Variants in DLGAP2 observed in about 807,000 individuals in gnomAD.
DLGAP2 encodes DLG associated protein 2.
In DLGAP2, 26 loss-of-function variants were observed where a neutral mutation model predicts 100.3. The observed-to-expected ratio is 0.26, with a 90% CI of 0.19 to 0.36. DLGAP2 has a LOEUF of 0.36. Ranked by LOEUF, DLGAP2 falls within the 10% of genes least tolerant of loss-of-function variation. The probability of loss-of-function intolerance (pLI) is 1.00; values close to 1 mark genes in which losing one functional copy is unlikely to be tolerated. For missense variants in DLGAP2, 1,858 were observed against 1,453.2 expected, an observed-to-expected ratio of 1.28 and a Z score of -4.53; for synonymous variants, 886 against 630.1, an observed-to-expected ratio of 1.41 and a Z score of -6.08.
intron 2 of DLGAP2, among the ~76,000 whole-genome samples, chr8:1,074,926 C>T (rs1259382499): frequency 6.6e-6 from 1 of 152,180 alleles, no homozygotes; most frequent in Admixed American, 6.5e-5. Context: ...GGTCACCTTG[C>T]AGTTGGCAGG....
At chr8:745,248 G>A (rs998498646) in intron 1 of DLGAP2, among the ~76,000 whole-genome samples, 2 of 152,186 alleles carry the variant, frequency 1.3e-5, no homozygotes, top group African/African-American at 2.4e-5. Flanking sequence ...GCAAATTTCC[G>A]AACATCTGTT....
chr8:1,350,353 T>TGC (rs1801686417), intron 3 of DLGAP2, among the ~76,000 whole-genome samples: 6 of 34,862 alleles, frequency 1.7e-4, no homozygotes, highest in Admixed American at 3.7e-4. Flanking sequence ...CCTGACAGTG[T>TGC]GTGGAAAGGC....
chr8:1,472,855 T>A (rs1466857499), intron 3 of DLGAP2, among the ~76,000 whole-genome samples: 2 of 152,224 alleles, frequency 1.3e-5, no homozygotes, highest in Non-Finnish European at 2.9e-5. Flanking sequence ...GTTAAGCATA[T>A]ACTTTTCACA....
chr8:1,648,347 C>A (rs755686918), intron 8 of DLGAP2, among the ~76,000 whole-genome samples: 19 of 152,202 alleles, frequency 1.2e-4, no homozygotes, highest in Non-Finnish European at 2.5e-4. Flanking sequence ...TCTATGTGGA[C>A]ATGATTCAAT....
At chr8:1,045,184 G>A (rs1431448556) in intron 2 of DLGAP2, among the ~76,000 whole-genome samples, 1 of 152,152 alleles carries the variant, frequency 6.6e-6, no homozygotes, top group Non-Finnish European at 1.5e-5. Context: ...AGGGCTGTTT[G>A]GCTTTTGGCA....
rs561292100 is a variant in DLGAP2 at position 1,320,363 on chromosome 8, C to T, written c.106+61480C>T. On this transcript the variant is annotated intron_variant, in intron 3 of 14. Transcript: ENST00000637795. ...AGGACTCGAGGGAACCGTAGCGTCG[C>T]ATCCTACAGATGACACTGAACCCTG... 1.1e-4 allele frequency among the ~76,000 whole-genome samples: 17 copies of T among 152,230 alleles called. No individual in the cohort carries two copies. In the South Asian group the frequency reaches 3.3e-3, roughly 30 times the overall value.
At chr8:1,663,019 CCT>C (rs1798450495) in intron 8 of DLGAP2, among the ~76,000 whole-genome samples, 2 of 116,648 alleles carry the variant, frequency 1.7e-5, no homozygotes, top group African/African-American at 6.7e-5. Flanking sequence ...TGTGTGTATA[CCT>C]GTGTGAGTGT....
At chr8:845,923 C>G (rs1364698114) in intron 1 of DLGAP2, among the ~76,000 whole-genome samples, 1 of 152,206 alleles carries the variant, frequency 6.6e-6, no homozygotes, top group African/African-American at 2.4e-5. Context: ...ACTGTTCTTT[C>G]ATAATTGAAT....
At chr8:837,911 T>C (rs1202107252) in intron 1 of DLGAP2, among the ~76,000 whole-genome samples, 1 of 149,726 alleles carries the variant, frequency 6.7e-6, no homozygotes, top group Non-Finnish European at 1.5e-5. Flanking sequence ...TTTTTTCTTT[T>C]TTAAGTAGAG....
intron 3 of DLGAP2, among the ~76,000 whole-genome samples, chr8:1,338,875 G>A (rs1368801061): frequency 6.8e-6 from 1 of 147,414 alleles, no homozygotes; most frequent in East Asian, 2.0e-4. Flanking sequence ...TGAGGCGTCA[G>A]GACCTGGCAG....
intron 3 of DLGAP2, among the ~76,000 whole-genome samples, chr8:1,461,049 G>A (rs574197046): frequency 4.0e-5 from 6 of 151,884 alleles, no homozygotes; most frequent in South Asian, 2.1e-4. Flanking sequence ...TGATTCAGTG[G>A]CCAGGAGGAG....
At chr8:1,203,937 G>A (rs1343019498) in intron 2 of DLGAP2, among the ~76,000 whole-genome samples, 1 of 152,040 alleles carries the variant, frequency 6.6e-6, no homozygotes, top group African/African-American at 2.4e-5. Context: ...CCCTGGGTGT[G>A]TGCATGTCAA....
At chr8:1,651,552 C>A (rs1032138647) in intron 8 of DLGAP2, among the ~76,000 whole-genome samples, 1 of 152,170 alleles carries the variant, frequency 6.6e-6, no homozygotes, top group Non-Finnish European at 1.5e-5. Flanking sequence ...CAGCACATGG[C>A]GGCTGGGGCG....
At chr8:1,535,126 G>T (rs1192306555) in intron 4 of DLGAP2, among the ~76,000 whole-genome samples, 2 of 152,258 alleles carry the variant, frequency 1.3e-5, no homozygotes, top group African/African-American at 4.8e-5. Flanking sequence ...GGCAGGCCCT[G>T]TCTCAGCAAG....
chr8:1,358,273 G>A (rs1320464276), intron 3 of DLGAP2, among the ~76,000 whole-genome samples: 2 of 152,158 alleles, frequency 1.3e-5, no homozygotes, highest in African/African-American at 4.8e-5. Context: ...TTTCACTGAA[G>A]TATTATCTTA....
intron 4 of DLGAP2, among the ~76,000 whole-genome samples, chr8:1,538,206 C>G (rs1350396576): frequency 6.6e-6 from 1 of 152,154 alleles, no homozygotes; most frequent in Non-Finnish European, 1.5e-5. Context: ...CCCATTCATT[C>G]TCAATTCTCT....
chr8:1,560,553 C>G (rs1372575426), intron 5 of DLGAP2, among the ~76,000 whole-genome samples: 1 of 152,174 alleles, frequency 6.6e-6, no homozygotes, highest in Non-Finnish European at 1.5e-5. Context: ...CTTGGGGAAG[C>G]TTCATGGAAG....
At chr8:1,234,458 C>G (rs1414632244) in intron 2 of DLGAP2, among the ~76,000 whole-genome samples, 1 of 152,278 alleles carries the variant, frequency 6.6e-6, no homozygotes, top group Non-Finnish European at 1.5e-5. Context: ...TTCATAAGGA[C>G]ACTAGTAATA....
chr8:1,445,418 C>G (rs543864274), intron 3 of DLGAP2, among the ~76,000 whole-genome samples: 16 of 151,932 alleles, frequency 1.1e-4, no homozygotes, highest in Middle Eastern at 6.8e-3. Flanking sequence ...AGGACATGAA[C>G]TCTTCATTTT....
Sources: allele counts gnomAD v4.1 joint callset (sites outside exome capture counted in the v4.1 genomes callset), GRCh38; gene constraint gnomAD v4.1.1; transcripts MANE v1.5; gene names NCBI Gene and HGNC (gene_info 2026-07-23, HGNC 2026-07-21).